Variants in OPCML observed in about 807,000 individuals in gnomAD.
OPCML encodes opioid binding protein/cell adhesion molecule like.
In OPCML, 13 loss-of-function variants were observed where a neutral mutation model predicts 37.8. The ratio of observed to expected loss-of-function variants is 0.34; its 90% CI spans 0.22 to 0.55. OPCML has a LOEUF of 0.55. OPCML is among the 20% of genes least tolerant of loss of function. OPCML has a pLI of 0.91. For synonymous variants in OPCML, 176 were observed against 168.8 expected, an observed-to-expected ratio of 1.04 and a Z score of -0.33; for missense variants, 341 against 435.6, an observed-to-expected ratio of 0.78 and a Z score of 1.93.
Position 132,552,196 on chromosome 11 carries a change from G to A in OPCML, c.380-23010C>T, listed in dbSNP as rs970316887. ...GTTCCCAAGTAATGCTGATGCTGCC[G>A]TTTTGGGAACCACCTTTTGAAAACC... On this transcript the variant is annotated intron_variant, in intron 3 of 7. Coordinates refer to ENST00000524381, the MANE Select transcript of OPCML (RefSeq NM_001012393.5). Among the ~76,000 whole-genome samples the A allele has an allele frequency of 5.9e-5, 9 of 152,272 alleles. No individual in the cohort carries two copies. In the East Asian group the frequency reaches 1.2e-3, roughly 20 times the overall value.
intron 3 of OPCML, among the ~76,000 whole-genome samples, chr11:132,605,129 G>C (rs1359895815): frequency 6.6e-6 from 1 of 152,218 alleles, no homozygotes; most frequent in African/African-American, 2.4e-5. Flanking sequence ...CTGAGCTTAA[G>C]TGTCCTCTCT....
chr11:133,150,255 T>C (rs1268161013), intron 1 of OPCML, among the ~76,000 whole-genome samples: 1 of 152,216 alleles, frequency 6.6e-6, no homozygotes, highest in African/African-American at 2.4e-5. Flanking sequence ...GAGCCCTTAC[T>C]CCATGTCAGG....
At chr11:132,958,643 G>A (rs772849027) in intron 1 of OPCML, among the ~76,000 whole-genome samples, 4 of 152,204 alleles carry the variant, frequency 2.6e-5, no homozygotes, top group Non-Finnish European at 4.4e-5. Context: ...GACTTTAAGT[G>A]AAAACCAATA....
intron 1 of OPCML, among the ~76,000 whole-genome samples, chr11:133,497,995 T>C (rs1388013231): frequency 6.6e-6 from 1 of 152,208 alleles, no homozygotes; most frequent in Non-Finnish European, 1.5e-5. Context: ...CTCCATCCTC[T>C]GCTTTTGTCA....
intron 1 of OPCML, among the ~76,000 whole-genome samples, chr11:133,207,478 C>T (rs1246967774): frequency 6.6e-6 from 1 of 152,100 alleles, no homozygotes; most frequent in African/African-American, 2.4e-5. Flanking sequence ...TTTAAACTGT[C>T]ATACCGTGAT....
intron 1 of OPCML, among the ~76,000 whole-genome samples, chr11:133,529,933 A>G (rs550590280): frequency 1.6e-3 from 240 of 152,262 alleles, no homozygotes; most frequent in Middle Eastern, 0.014. Flanking sequence ...TTTCACCGAC[A>G]CCTTCTAAGG....
intron 2 of OPCML, among the ~76,000 whole-genome samples, chr11:132,659,038 A>G (rs1941835895): frequency 6.6e-6 from 1 of 152,314 alleles, no homozygotes; most frequent in Admixed American, 6.5e-5. Context: ...CCAGGGCCCA[A>G]CTGCATTCAC....
intron 3 of OPCML, among the ~76,000 whole-genome samples, chr11:132,559,572 C>G (rs1416738050): frequency 6.6e-6 from 1 of 151,926 alleles, no homozygotes; most frequent in Middle Eastern, 3.2e-3. Context: ...TCAATTTTTT[C>G]CACTCCAAAC....
At chr11:133,260,860 C>T (rs1308763845) in intron 1 of OPCML, among the ~76,000 whole-genome samples, 2 of 139,504 alleles carry the variant, frequency 1.4e-5, no homozygotes, top group African/African-American at 5.8e-5. Flanking sequence ...TTCCTTGATG[C>T]CTTAGTACAT....
At chr11:133,276,615 G>A (rs2136495810) in intron 1 of OPCML, among the ~76,000 whole-genome samples, 1 of 152,260 alleles carries the variant, frequency 6.6e-6, no homozygotes, top group South Asian at 2.1e-4. Flanking sequence ...CAAATAAAAT[G>A]AAAAATGTGA....
At chr11:133,496,576 C>T (rs990426585) in intron 1 of OPCML, among the ~76,000 whole-genome samples, 1 of 152,094 alleles carries the variant, frequency 6.6e-6, no homozygotes, top group Non-Finnish European at 1.5e-5. Context: ...TGATTTCTTT[C>T]AGCATTGTTT....
At chr11:133,370,410 C>T (rs1180015407) in intron 1 of OPCML, among the ~76,000 whole-genome samples, 2 of 149,280 alleles carry the variant, frequency 1.3e-5, no homozygotes, top group African/African-American at 2.5e-5. Context: ...AAATCAGCAG[C>T]ATTTCTATAC....
At chr11:133,096,283 T>C (rs187075803) in intron 1 of OPCML, among the ~76,000 whole-genome samples, 9 of 152,134 alleles carry the variant, frequency 5.9e-5, no homozygotes, top group African/African-American at 1.7e-4. Context: ...AATAGGTATA[T>C]TATTATATTA....
rs1444482696 is a variant in OPCML, at chr11:133,174,772, T to G, written c.62-231762A>C. ...TCTCTGACTGTTTTAGTCATTCAACTCTATATTATAATTCATTTATGATGA... is the reference window on the plus strand; with the variant it reads ...TCTCTGACTGTTTTAGTCATTCAACGCTATATTATAATTCATTTATGATGA... On this transcript the variant is annotated intron_variant, in intron 1 of 7. Coordinates refer to ENST00000524381, the MANE Select transcript of OPCML (RefSeq NM_001012393.5). This position sits in a 1 kb window ranked among gnomAD's most constrained non-coding sequence, Gnocchi z 4.6. Among the ~76,000 whole-genome samples, 1 of 152,108 alleles carries G rather than the reference T, an allele frequency of 6.6e-6. No individual in the cohort carries two copies. The highest frequency in any genetic ancestry group is 1.5e-5 in the Non-Finnish European group (1 of 68,040).
chr11:132,662,857 A>G (rs916141476), intron 2 of OPCML, among the ~76,000 whole-genome samples: 1 of 152,230 alleles, frequency 6.6e-6, no homozygotes, highest in African/African-American at 2.4e-5. Context: ...GTAGTTGGAG[A>G]ACAAGTCTTT....
chr11:132,554,863 G>GTTT (rs5795789), intron 3 of OPCML, among the ~76,000 whole-genome samples: 2,021 of 63,912 alleles, frequency 0.032, 496 homozygotes, highest in African/African-American at 0.066. Context: ...ATGGGGTAAA[G>GTTT]TTTTTTTTTT....
chr11:133,079,157 G>A (rs1294724887), intron 1 of OPCML, among the ~76,000 whole-genome samples: 3 of 152,136 alleles, frequency 2.0e-5, no homozygotes, highest in Admixed American at 2.0e-4. Context: ...GACATTTGCC[G>A]TTGGCAAGCA....
chr11:133,220,575 C>G (rs10444322), intron 1 of OPCML, among the ~76,000 whole-genome samples: 1 of 151,930 alleles, frequency 6.6e-6, no homozygotes, highest in Admixed American at 6.5e-5. Context: ...CCAGCACATG[C>G]TTCCTCAAGG....
intron 1 of OPCML, among the ~76,000 whole-genome samples, chr11:133,196,303 T>A (rs1362956796): frequency 6.6e-6 from 1 of 152,220 alleles, no homozygotes; most frequent in East Asian, 1.9e-4. Flanking sequence ...TTAATGTCAG[T>A]TTAATGCATC....
Sources: gnomAD v4.1 joint callset for allele counts (sites outside exome capture counted in the v4.1 genomes callset) on GRCh38, gnomAD v4.1.1 for gene constraint, Gnocchi (gnomAD v3.1) non-coding constraint, MANE v1.5 for transcripts, NCBI Gene and HGNC (gene_info 2026-07-23, HGNC 2026-07-21) for gene names.